Variants in ARL8B observed in about 807,000 individuals in gnomAD.
ARL8B encodes ARF like GTPase 8B.
ARL8B carries 9 observed loss-of-function variants against 30.6 expected under a neutral mutation model. The ratio of observed to expected loss-of-function variants is 0.29; its 90% CI spans 0.18 to 0.51. The LOEUF is 0.51. Among genes scored for constraint, ARL8B ranks in the 20% least tolerant of loss-of-function variants. The pLI is 0.97. For synonymous variants in ARL8B, 74 were observed against 76.0 expected (o/e 0.97, Z 0.14); for missense variants, 130 against 227.2 (o/e 0.57, Z 2.75).
At chr3:5,151,875 C>T (rs1044990387) in intron 1 of ARL8B, among the ~76,000 whole-genome samples, 11 of 152,034 alleles carry the variant, frequency 7.2e-5, no homozygotes, top group Admixed American at 1.3e-4. Context: ...CAGGCTCACA[C>T]GACCACGTCT....
chr3:5,141,316 T>A (rs2054371543), intron 1 of ARL8B, among the ~76,000 whole-genome samples: 1 of 152,222 alleles, frequency 6.6e-6, no homozygotes, highest in Non-Finnish European at 1.5e-5. Flanking sequence ...CTTCCTTTGG[T>A]CTCATTTTCA....
At chr3:5,126,096 AC>A (rs1391350305) in intron 1 of ARL8B, among the ~76,000 whole-genome samples, 4 of 150,234 alleles carry the variant, frequency 2.7e-5, no homozygotes, top group Non-Finnish European at 4.4e-5. Flanking sequence ...GCTGAAAGGG[AC>A]CCCCTCAGTG....
chr3:5,167,869 A>G (rs2054637527), intron 1 of ARL8B, among the ~76,000 whole-genome samples: 1 of 152,206 alleles, frequency 6.6e-6, no homozygotes, highest in African/African-American at 2.4e-5. Flanking sequence ...TCAGGTATCT[A>G]GTGCCCAGTT....
chr3:5,146,646 G>T (rs1031859861), intron 1 of ARL8B, among the ~76,000 whole-genome samples: 3 of 151,984 alleles, frequency 2.0e-5, no homozygotes, highest in Admixed American at 1.3e-4. Flanking sequence ...ACTTTTAATT[G>T]TTCTGCCTGT....
intron 1 of ARL8B, among the ~76,000 whole-genome samples, chr3:5,138,155 T>C (rs1438614235): frequency 6.6e-6 from 1 of 151,662 alleles, no homozygotes; most frequent in East Asian, 1.9e-4. Flanking sequence ...TAGTTAATAG[T>C]TTTGGCTTGG....
intron 1 of ARL8B, among the ~76,000 whole-genome samples, chr3:5,126,055 C>T (rs889949018): frequency 1.3e-5 from 2 of 151,390 alleles, no homozygotes; most frequent in African/African-American, 4.9e-5. Flanking sequence ...AAAAAGACAT[C>T]TGGGCTGTAA....
intron 1 of ARL8B, among the ~76,000 whole-genome samples, chr3:5,155,642 A>T (rs2054525784): frequency 6.7e-6 from 1 of 148,864 alleles, no homozygotes. Flanking sequence ...CATTTGTCCT[A>T]TCCTCAGGTT....
chr3:5,174,481 G>A, intron 6 of ARL8B, 67 bp downstream of exon 6: 1 of 1,053,570 alleles, frequency 9.5e-7, no homozygotes, highest in Non-Finnish European at 1.5e-6. Flanking sequence ...GCTTCTTACA[G>A]CTTATTGTCT....
intron 4 of ARL8B, among the ~76,000 whole-genome samples, chr3:5,173,512 G>A (rs543493462): frequency 6.6e-6 from 1 of 152,248 alleles, no homozygotes; most frequent in African/African-American, 2.4e-5. Flanking sequence ...CGAGATGGGC[G>A]GATCACCAGG....
chr3:5,140,061 A>G (rs759595471), intron 1 of ARL8B, among the ~76,000 whole-genome samples: 3 of 145,766 alleles, frequency 2.1e-5, no homozygotes, highest in Admixed American at 7.1e-5. Flanking sequence ...ATCTCTGCTC[A>G]CTGTAAGCTC....
At chr3:5,153,183 C>T (rs994262458) in intron 1 of ARL8B, among the ~76,000 whole-genome samples, 1 of 152,088 alleles carries the variant, frequency 6.6e-6, no homozygotes, top group Admixed American at 6.6e-5. Context: ...TACCTTCCCC[C>T]CTTTATATTG....
At chr3:5,142,846 G>C (rs2106558969) in intron 1 of ARL8B, among the ~76,000 whole-genome samples, 1 of 152,298 alleles carries the variant, frequency 6.6e-6, no homozygotes, top group African/African-American at 2.4e-5. Flanking sequence ...TCTTGGCCTA[G>C]AGTGGCTGGA....
intron 6 of ARL8B, among the ~76,000 whole-genome samples, chr3:5,176,192 C>A (rs926411045): frequency 3.9e-5 from 6 of 152,130 alleles, no homozygotes; most frequent in Admixed American, 1.3e-4. Context: ...GTCTATCCTT[C>A]CCTAACTCAC....
intron 1 of ARL8B, among the ~76,000 whole-genome samples, chr3:5,167,037 C>A (rs1376039653): frequency 6.6e-6 from 1 of 152,162 alleles, no homozygotes; most frequent in Non-Finnish European, 1.5e-5. Context: ...AGCTGAATCC[C>A]AAGGTCACAT....
chr3:5,171,849 A>G (rs544386794), intron 2 of ARL8B, among the ~76,000 whole-genome samples: 8 of 152,246 alleles, frequency 5.3e-5, no homozygotes, highest in African/African-American at 1.7e-4. Flanking sequence ...ATAAAGACAT[A>G]TGTTTTCAAT....
At chr3:5,130,648 C>A (rs753736980) in intron 1 of ARL8B, among the ~76,000 whole-genome samples, 105 of 152,076 alleles carry the variant, frequency 6.9e-4, no homozygotes, top group South Asian at 3.3e-3. Flanking sequence ...ATTCTCCTGC[C>A]TCAGCCTCTC....
intron 1 of ARL8B, among the ~76,000 whole-genome samples, chr3:5,128,193 A>ATTTTGTATTTG (rs2054249793): frequency 6.6e-6 from 1 of 151,546 alleles, no homozygotes; most frequent in South Asian, 2.1e-4. Flanking sequence ...AGCAGAAATA[A>ATTTTGTATTTG]TTTTGTATTT....
Position 5,172,303 on chromosome 3 carries a change from G to C in ARL8B, c.278+80G>C, listed in dbSNP as rs184478375. 1.8e-4 allele frequency: 223 copies of C among 1,270,250 alleles called. 1 individual carries two copies. In the African/African-American group the frequency reaches 3.2e-3, roughly 18 times the overall value. The allele number at this position is 1,270,250 out of a possible 1,614,324, so 78.7% of individuals were successfully genotyped here. A position where few individuals can be genotyped will look rare whatever the true frequency, so the allele number is the denominator to read the frequency against. On this transcript the variant is annotated intron_variant, in intron 3 of 6. Transcript: ENST00000256496. ...GAAAGTTTATTTTAGTATTTCCAGA[G>C]GCTCAATTTTTATCTCAGGCAGTGA...
At chr3:5,125,441 CT>C (rs2054222047) in intron 1 of ARL8B, among the ~76,000 whole-genome samples, 2 of 151,900 alleles carry the variant, frequency 1.3e-5, no homozygotes, top group Admixed American at 1.3e-4. Flanking sequence ...GTGTTCCCCC[CT>C]GCCCCGCCCC....
Sources: gnomAD v4.1 joint callset for allele counts (sites outside exome capture counted in the v4.1 genomes callset) on GRCh38, gnomAD v4.1.1 for gene constraint, MANE v1.5 for transcripts, NCBI Gene and HGNC (gene_info 2026-07-23, HGNC 2026-07-21) for gene names.